CACNA2D1: variants seen among roughly 807,000 people sequenced by gnomAD.
CACNA2D1 encodes voltage-dependent calcium channel subunit alpha-2/delta-1.
CACNA2D1 carries 53 observed loss-of-function variants against 171.5 expected under a neutral mutation model. The ratio of observed to expected loss-of-function variants is 0.31; its 90% confidence interval spans 0.25 to 0.39. The LOEUF is 0.39. Ranked by LOEUF, CACNA2D1 falls within the 10% of genes least tolerant of loss-of-function variation. The pLI, the probability that CACNA2D1 is intolerant of heterozygous loss-of-function variation, is 1.00. For synonymous variants in CACNA2D1, 442 were observed against 443.1 expected, an observed-to-expected ratio of 1.00 and a Z score of 0.03; for missense variants, 903 against 1,299.8, an observed-to-expected ratio of 0.69 and a Z score of 4.69.
At chr7:82,368,031 A>T (rs1821948927) in intron 1 of CACNA2D1, among the ~76,000 whole-genome samples, 1 of 152,196 alleles carries the variant, frequency 6.6e-6, no homozygotes, top group Non-Finnish European at 1.5e-5. Flanking sequence ...GGGTGAAGCC[A>T]TCGCATTAGC....
intron 16 of CACNA2D1, 25 bp from the exon 17 acceptor site, chr7:82,005,864 C>A (rs10480895): frequency 1.5e-6 from 2 of 1,348,240 alleles, no homozygotes; most frequent in Non-Finnish European, 2.1e-6. Context: ...CAAAAAATGG[C>A]ATTTTATGTC....
chr7:82,169,915 C>T (rs1286639241), intron 4 of CACNA2D1, among the ~76,000 whole-genome samples: 1 of 151,008 alleles, frequency 6.6e-6, no homozygotes, highest in East Asian at 1.9e-4. Flanking sequence ...ATATGCAGAC[C>T]TTACCACAAG....
At chr7:81,986,795 T>C (rs1233259842) in intron 21 of CACNA2D1, among the ~76,000 whole-genome samples, 1 of 152,156 alleles carries the variant, frequency 6.6e-6, no homozygotes, top group Admixed American at 6.5e-5. Flanking sequence ...AGATTAAAAT[T>C]AAAATAAGCA....
intron 3 of CACNA2D1, among the ~76,000 whole-genome samples, chr7:82,218,248 T>C (rs1020733383): frequency 2.0e-5 from 3 of 152,138 alleles, no homozygotes; most frequent in Non-Finnish European, 4.4e-5. Context: ...ACATTATTTA[T>C]TATTTAACTC....
In CACNA2D1 at chr7:81,973,426, G is replaced by C. The variant is rs903006356; in HGVS notation, c.2053+1029C>G. ...AATCTGTGCTAAAGTGAAGGAGCTA[G>C]GAAGTTATTTCTTCTCATATGCAAT... On this transcript the variant is annotated intron_variant, in intron 25 of 38. Transcript: ENST00000356860. Among the ~76,000 whole-genome samples, 10 of 152,130 alleles carry C rather than the reference G, an allele frequency of 6.6e-5. 2 individuals are homozygous for C. In the South Asian group the frequency reaches 1.7e-3, roughly 25 times the overall value.
intron 5 of CACNA2D1, 25 bp from the exon 6 acceptor site, chr7:82,117,198 A>C (rs1286016266): frequency 2.5e-6 from 4 of 1,610,498 alleles, no homozygotes; most frequent in South Asian, 2.2e-5. Flanking sequence ...AATAAACAGA[A>C]TATTACAATT....
At chr7:82,098,538 G>C (rs17832393) in intron 6 of CACNA2D1, among the ~76,000 whole-genome samples, 21,860 of 152,072 alleles carry the variant, frequency 0.14, 1,960 homozygotes, top group Middle Eastern at 0.23. Flanking sequence ...CTGTGCACTT[G>C]GAGAATAAGC....
At chr7:82,049,673 A>T (rs928295849) in intron 10 of CACNA2D1, among the ~76,000 whole-genome samples, 2 of 152,196 alleles carry the variant, frequency 1.3e-5, no homozygotes, top group African/African-American at 2.4e-5. Context: ...TCTGGAGTGC[A>T]GCTTGAGATG....
chr7:81,950,286 A>G lies in CACNA2D1; in HGVS notation c.*106T>C, dbSNP rs1792368685. 1 of 1,602,704 alleles carries G rather than the reference A, an allele frequency of 6.2e-7. No homozygotes were observed. Among genetic ancestry groups the G allele is most frequent in the Admixed American group, 1.7e-5 (1 of 59,616 alleles). On this transcript the variant is annotated 3_prime_UTR_variant, in exon 39 of 39. Coordinates refer to ENST00000356860, the MANE Select transcript of CACNA2D1 (RefSeq NM_000722.4). ...TTATGCCATGGAACAGGCCCAGCTA[A>G]TGTTTGTCTGATTTTATAGCTGACC...
chr7:82,099,847 T>C (rs1213083244), intron 6 of CACNA2D1, among the ~76,000 whole-genome samples: 2 of 152,196 alleles, frequency 1.3e-5, no homozygotes, highest in African/African-American at 4.8e-5. Flanking sequence ...GTGTACTTAA[T>C]ACATGTACAA....
chr7:82,369,066 T>G (rs1232031430), intron 1 of CACNA2D1, among the ~76,000 whole-genome samples: 1 of 152,170 alleles, frequency 6.6e-6, no homozygotes, highest in East Asian at 1.9e-4. Flanking sequence ...TTCTAGAAAA[T>G]TTCCAGTCAT....
intron 1 of CACNA2D1, among the ~76,000 whole-genome samples, chr7:82,359,374 A>G (rs1195415871): frequency 2.6e-5 from 4 of 152,094 alleles, no homozygotes; most frequent in East Asian, 1.9e-4. Context: ...CTTTATTTCT[A>G]TGAATTATTA....
intron 3 of CACNA2D1, among the ~76,000 whole-genome samples, chr7:82,268,417 TTACGGAGAG>T (rs1808197124): frequency 6.6e-6 from 1 of 152,196 alleles, no homozygotes; most frequent in African/African-American, 2.4e-5. Flanking sequence ...AGCAAAGGTA[TTACGGAGAG>T]AACCTGAAAC....
At chr7:82,073,329 TCTTGA>T (rs1197685634) in intron 7 of CACNA2D1, among the ~76,000 whole-genome samples, 9 of 152,320 alleles carry the variant, frequency 5.9e-5, no homozygotes, top group Middle Eastern at 3.4e-3. Context: ...GTACTTATGA[TCTTGA>T]CTTGTTTATC....
At chr7:82,419,161 C>T (rs1349271374) in intron 1 of CACNA2D1, among the ~76,000 whole-genome samples, 1 of 151,694 alleles carries the variant, frequency 6.6e-6, no homozygotes, top group Non-Finnish European at 1.5e-5. Context: ...AAGCGTCACA[C>T]TGTCATGAGC....
At chr7:82,351,961 TGA>T (rs143356631) in intron 1 of CACNA2D1, among the ~76,000 whole-genome samples, 2,724 of 152,240 alleles carry the variant, frequency 0.018, 87 homozygotes, top group African/African-American at 0.062. Flanking sequence ...AGCTCGAAAC[TGA>T]GAGGCAAAGA....
At chr7:82,144,205 G>GT (rs1563112089) in intron 4 of CACNA2D1, among the ~76,000 whole-genome samples, 3 of 151,936 alleles carry the variant, frequency 2.0e-5, no homozygotes, top group African/African-American at 7.2e-5. Flanking sequence ...TCTTAAGCTA[G>GT]TAAGAATTTG....
intron 21 of CACNA2D1, among the ~76,000 whole-genome samples, chr7:81,988,633 C>T (rs984018787): frequency 2.0e-5 from 3 of 152,070 alleles, no homozygotes; most frequent in Admixed American, 1.3e-4. Flanking sequence ...AAGAGACTTC[C>T]GTACTTAAAT....
At chr7:82,344,561 A>G (rs1374962687) in intron 2 of CACNA2D1, among the ~76,000 whole-genome samples, 1 of 152,160 alleles carries the variant, frequency 6.6e-6, no homozygotes, top group East Asian at 1.9e-4. Context: ...TTGAAAATGA[A>G]TGTAATTAAC....
Sources: allele counts gnomAD v4.1 joint callset (sites outside exome capture counted in the v4.1 genomes callset), GRCh38; gene constraint gnomAD v4.1.1; transcripts MANE v1.5; gene names NCBI Gene and HGNC (gene_info 2026-07-23, HGNC 2026-07-21).